ADPRHL1: variants seen among roughly 807,000 people sequenced by gnomAD.
ADPRHL1 encodes the protein ADP-ribosylhydrolase like 1.
ADPRHL1 carries 43 observed loss-of-function variants against 44.1 expected under a neutral mutation model. The observed-to-expected ratio is 0.98, with a 90% CI of 0.76 to 1.26. The LOEUF (loss-of-function observed/expected upper bound fraction) is 1.26. Ranked by LOEUF, ADPRHL1 falls within the 50% of genes most tolerant of loss-of-function variation. ADPRHL1 has a pLI of 0.00. For missense variants in ADPRHL1, 2,022 were observed against 2,496.9 expected (o/e 0.81, Z 4.05); for synonymous variants, 878 against 1,017.4 (o/e 0.86, Z 2.61).
intron 6 of ADPRHL1, among the ~76,000 whole-genome samples, chr13:113,423,559 T>C (rs1364103667): frequency 6.6e-6 from 1 of 152,190 alleles, no homozygotes; most frequent in East Asian, 1.9e-4. Flanking sequence ...GCTCCAAGCC[T>C]CACTGAAGGG....
chr13:113,413,309 C>T (rs941099955), intron 7 of ADPRHL1, among the ~76,000 whole-genome samples: 6 of 152,368 alleles, frequency 3.9e-5, no homozygotes, highest in Middle Eastern at 3.4e-3. Flanking sequence ...GCCTCCCTGA[C>T]GAGCTCCTAT....
chr13:113,431,629 T>C (rs370219020), intron 3 of ADPRHL1, among the ~76,000 whole-genome samples: 10 of 152,362 alleles, frequency 6.6e-5, no homozygotes, highest in Admixed American at 4.6e-4. Flanking sequence ...AAAAAGCACT[T>C]TGAAGTGTCA....
In ADPRHL1 at chr13:113,403,751, C is replaced by T. The variant is rs986127807; in HGVS notation, c.5531G>A (p.Arg1844Lys). ...ACTGCCCCCTGACTGTCCACCATCC[C>T]TGGGGGCTGGGCTTCTGGACCCCCC... ...RSGGSRSPAPRDGGQSGGSGL... is the reference protein window; with the variant it reads ...RSGGSRSPAPKDGGQSGGSGL... Residue 1844 changes from arginine (R) to lysine (K), a missense_variant, in exon 8 of 8, where the codon AGG (arginine) becomes AAG (lysine). Arg to Lys is a conservative substitution (Grantham distance 26). This residue lies in a region of ADPRHL1 where 205 missense variants were observed against 250.1 expected (regional missense o/e 0.82). Transcript: ENST00000612156. 1.4e-5 allele frequency: 17 copies of T among 1,232,690 alleles called. No individual in the cohort carries two copies. Among genetic ancestry groups the T allele is most frequent in the Non-Finnish European group, 1.6e-5 (16 of 988,810 alleles). The allele number at this position is 1,232,690 out of a possible 1,614,324, so 76.4% of individuals were successfully genotyped here.
intron 1 of ADPRHL1, among the ~76,000 whole-genome samples, chr13:113,452,412 A>G (rs1037252894): frequency 6.6e-6 from 1 of 152,194 alleles, no homozygotes; most frequent in African/African-American, 2.4e-5. Flanking sequence ...AGAATGGTGG[A>G]GTGAACGCAT....
Position 113,405,645 on chromosome 13 carries a change from C to G in ADPRHL1, c.3637G>C (p.Glu1213Gln). 1 of 1,232,682 alleles carries G rather than the reference C, an allele frequency of 8.1e-7. No individual in the cohort carries two copies. 76.4% of individuals were successfully genotyped at this position (1,232,682 alleles called of 1,614,324 possible). A position where few individuals can be genotyped will look rare whatever the true frequency, so the allele number is the denominator to read the frequency against. Reference sequence around the variant, plus strand: ...TGCCGGGCGAGGGCCGCAGCATCCTCCGGGTGGCGGGCGAGGGTCGCAATG... The same window carrying G: ...TGCCGGGCGAGGGCCGCAGCATCCTGCGGGTGGCGGGCGAGGGTCGCAATG... The part of the protein sequence containing the change: ...EDIATLARHP[E>Q]DAAALARHPE... Residue 1213 changes from glutamate (E) to glutamine (Q), a missense_variant, in exon 8 of 8, where the codon GAG becomes CAG. Physicochemically the swap from Glu to Gln is conservative, Grantham distance 29. Transcript: ENST00000612156.
rs1040442120 is a variant in ADPRHL1 at position 113,441,323 on chromosome 13, T to G, written c.379+3102A>C. 2.0e-5 allele frequency among the ~76,000 whole-genome samples: 3 copies of G among 152,194 alleles called. No homozygotes were observed. The highest frequency in any genetic ancestry group is 4.4e-5 in the Non-Finnish European group (3 of 68,034). On this transcript the variant is annotated intron_variant, in intron 2 of 7. Coordinates refer to ENST00000612156, the MANE Select transcript of ADPRHL1 (RefSeq NM_001394807.1). The surrounding 1 kb of genome is among the most constrained non-coding windows in gnomAD (Gnocchi z 6.0). Reference sequence around the variant, plus strand: ...ACCTGTACTGTCTAGTATTTGTCCCTCCTTCCCCCTTTTCTGCCTTTTTTG... The same window carrying G: ...ACCTGTACTGTCTAGTATTTGTCCCGCCTTCCCCCTTTTCTGCCTTTTTTG...
intron 4 of ADPRHL1, among the ~76,000 whole-genome samples, chr13:113,426,183 C>T (rs900637820): frequency 3.9e-5 from 6 of 152,232 alleles, no homozygotes; most frequent in Non-Finnish European, 8.8e-5. Flanking sequence ...GGAGTCTGAA[C>T]CTGCAGCTAC....
Position 113,406,564 on chromosome 13 carries a change from T to C in ADPRHL1, c.2718A>G (p.Ser906=). The C allele has an allele frequency of 8.1e-7, 1 of 1,232,058 alleles. No homozygotes were observed. Among genetic ancestry groups the C allele is most frequent in the Non-Finnish European group, 1.0e-6 (1 of 987,976 alleles). 76.3% of individuals were successfully genotyped at this position (1,232,058 alleles called of 1,614,324 possible). A position where few individuals can be genotyped will look rare whatever the true frequency, so the allele number is the denominator to read the frequency against. The part of the protein sequence containing the change: ...HRAPVELSKL[S]GMQAGLSASS... ...AGGCGCTGAGTCCCGCCTGCATCCC[T>C]GAAAGCTTGCTCAGTTCCACTGGGG... Residue 906 remains serine, a synonymous_variant, in exon 8 of 8, where the codon TCA becomes TCG. Coordinates refer to ENST00000612156, the MANE Select transcript of ADPRHL1 (RefSeq NM_001394807.1).
chr13:113,411,982 C>T (rs2043855646), intron 7 of ADPRHL1, among the ~76,000 whole-genome samples: 2 of 152,206 alleles, frequency 1.3e-5, no homozygotes, highest in Admixed American at 6.5e-5. Flanking sequence ...CTCTGGTCCC[C>T]GCCCCTCGTG....
intron 2 of ADPRHL1, among the ~76,000 whole-genome samples, chr13:113,443,128 G>T (rs527816520): frequency 4.3e-4 from 65 of 152,302 alleles, no homozygotes; most frequent in African/African-American, 1.5e-3. Context: ...TGACACCTGT[G>T]TTGGGCCTTG....
intron 2 of ADPRHL1, among the ~76,000 whole-genome samples, chr13:113,442,403 G>A (rs1039875241): frequency 2.6e-5 from 4 of 152,250 alleles, no homozygotes; most frequent in African/African-American, 9.6e-5. Flanking sequence ...TGCAGTAAGT[G>A]GCACCCGTAT....
chr13:113,407,665 C>T lies in ADPRHL1; in HGVS notation c.1617G>A (p.Pro539=), dbSNP rs1044425642. Residue 539 remains proline (P), a synonymous_variant, in exon 8 of 8, where the codon CCG becomes CCA. Coordinates refer to ENST00000612156, the MANE Select transcript of ADPRHL1 (RefSeq NM_001394807.1). ...GCACCGAGCTCTTGCCCATGATCTT[C>T]GGCAAGAGGCCCCTGGCGGCTTTGG... ...ERPKAARGLL[P]KIMGKSSVLS... 57 of 1,231,948 alleles carry T rather than the reference C, an allele frequency of 4.6e-5. No homozygotes were observed. In the African/African-American group the frequency reaches 4.8e-4, roughly 10 times the overall value. The allele number at this position is 1,231,948 out of a possible 1,614,324, so 76.3% of individuals were successfully genotyped here. A position where few individuals can be genotyped will look rare whatever the true frequency, so the allele number is the denominator to read the frequency against.
chr13:113,409,807 T>A lies in ADPRHL1; in HGVS notation c.1062-1587A>T, dbSNP rs1359845484. Among the ~76,000 whole-genome samples, 1 of 144,646 alleles carries A rather than the reference T, an allele frequency of 6.9e-6. No individual in the cohort carries two copies. The highest frequency in any genetic ancestry group is 1.5e-5 in the Non-Finnish European group (1 of 67,266). 94.9% of individuals were successfully genotyped at this position (144,646 alleles called of 152,430 possible). On this transcript the variant is annotated intron_variant, in intron 7 of 7. Transcript: ENST00000612156. This position sits in a 1 kb window ranked among gnomAD's most constrained non-coding sequence, Gnocchi z 4.2. Reference sequence around the variant, plus strand: ...GGGAGGCTGAGGCAGGCGAATGGCGTGAACCCAGGAGGCAGAGCTTGCAGT... The same window carrying A: ...GGGAGGCTGAGGCAGGCGAATGGCGAGAACCCAGGAGGCAGAGCTTGCAGT...
Position 113,405,458 on chromosome 13 carries a change from C to T in ADPRHL1, c.3824G>A (p.Ser1275Asn). Reference sequence around the variant, plus strand: ...GCCATAGCTGGGGGACTCTGCCACGCTCCTTGCCTGTGGCCTAGGATGATC... The same window carrying T: ...GCCATAGCTGGGGGACTCTGCCACGTTCCTTGCCTGTGGCCTAGGATGATC... ...ASDHPRPQAR[S>N]VAESPSYGPG... The change falls in exon 8 of 8, where the codon AGC (serine) becomes AAC (asparagine). Residue 1275 changes from serine (S) to asparagine (N), a missense_variant. By Grantham distance (46) the Ser-to-Asn change is conservative. Transcript: ENST00000612156. 8.1e-7 allele frequency: 1 copy of T among 1,231,986 alleles called. No individual in the cohort carries two copies. The highest frequency in any genetic ancestry group is 1.0e-6 in the Non-Finnish European group (1 of 988,154). The allele number at this position is 1,231,986 out of a possible 1,614,324, so 76.3% of individuals were successfully genotyped here.
At chr13:113,414,728 T>C (rs2043878746) in intron 7 of ADPRHL1, among the ~76,000 whole-genome samples, 2 of 150,710 alleles carry the variant, frequency 1.3e-5, no homozygotes, top group Admixed American at 6.6e-5. Context: ...CAGGCTGGAG[T>C]GCAATGGCGT....
chr13:113,405,746 C>A lies in ADPRHL1; in HGVS notation c.3536G>T (p.Gly1179Val). The change falls in exon 8 of 8, where the codon GGA becomes GTA. Residue 1179 changes from glycine to valine, a missense_variant. Physicochemically the swap from Gly to Val is moderately radical, Grantham distance 109. Transcript: ENST00000612156. ...PHSHGLLAPG[G>V]SLEPKSGAAG... ...TGCTCCACTCTTGGGCTCCAAGGAT[C>A]CCCCAGGGGCCAGGAGGCCGTGGCT... 2 of 1,231,842 alleles carry A rather than the reference C, an allele frequency of 1.6e-6. No homozygotes were observed. The highest frequency in any genetic ancestry group is 4.1e-5 in the South Asian group (1 of 24,324). 76.3% of individuals were successfully genotyped at this position (1,231,842 alleles called of 1,614,324 possible). A position where few individuals can be genotyped will look rare whatever the true frequency, so the allele number is the denominator to read the frequency against.
At chr13:113,448,626 G>A (rs1037550344) in intron 1 of ADPRHL1, among the ~76,000 whole-genome samples, 1 of 152,056 alleles carries the variant, frequency 6.6e-6, no homozygotes, top group Admixed American at 6.6e-5. Context: ...CAGTTATCAG[G>A]GCCCCGGGAG....
In ADPRHL1 at chr13:113,407,403, C is replaced by T. The variant is rs919219532; in HGVS notation, c.1879G>A (p.Val627Ile). ...PLPALSIATVVCGPRSWLSHC... is the reference protein window; with the variant it reads ...PLPALSIATVICGPRSWLSHC... ...GACAGCCAGCTCCTGGGGCCACAGA[C>T]GACGGTGGCGATGCTGAGGGCCGGC... Residue 627 changes from valine to isoleucine, a missense_variant, in exon 8 of 8, where the codon GTC becomes ATC. By Grantham distance (29) the Val-to-Ile change is conservative. Transcript: ENST00000612156. 5.7e-6 allele frequency: 7 copies of T among 1,231,802 alleles called. No individual in the cohort carries two copies. Among genetic ancestry groups the T allele is most frequent in the South Asian group, 8.2e-5 (2 of 24,316 alleles). 76.3% of individuals were successfully genotyped at this position (1,231,802 alleles called of 1,614,324 possible). A position where few individuals can be genotyped will look rare whatever the true frequency, so the allele number is the denominator to read the frequency against.
chr13:113,429,681 T>TG (rs1386906129), intron 3 of ADPRHL1, among the ~76,000 whole-genome samples: 2 of 152,220 alleles, frequency 1.3e-5, no homozygotes, highest in Non-Finnish European at 2.9e-5. Flanking sequence ...AAGGCTGAGG[T>TG]GGGGGCTCTC....
Sources: gnomAD v4.1 joint callset for allele counts (sites outside exome capture counted in the v4.1 genomes callset) on GRCh38, gnomAD v4.1.1 for gene constraint, gnomAD v4.1.1 regional missense constraint, Gnocchi (gnomAD v3.1) non-coding constraint, MANE v1.5 for transcripts, NCBI Gene and HGNC (gene_info 2026-07-23, HGNC 2026-07-21) for gene names.